STAG2: variants seen among roughly 807,000 people sequenced by gnomAD.
The protein encoded by STAG2 is STAG2 cohesin complex component.
In STAG2, 14 loss-of-function variants were observed where a neutral mutation model predicts 108.1. The observed-to-expected ratio is 0.13, with a 90% CI of 0.09 to 0.20. STAG2 has a LOEUF of 0.20. STAG2 is among the 10% of genes least tolerant of loss of function. The pLI is 1.00. For missense variants in STAG2, 440 were observed against 940.9 expected (o/e 0.47, Z 6.96); for synonymous variants, 307 against 302.7 (o/e 1.01, Z -0.15).
At chrX:124,013,973 A>G (rs2056613425) in intron 1 of STAG2, among the ~76,000 whole-genome samples, 1 of 111,638 alleles carries the variant, frequency 9.0e-6, no homozygotes, top group African/African-American at 3.3e-5. Context: ...TTCTACAGAC[A>G]TCAAAAATGG....
rs1257334140 is a variant in STAG2, at chrX:124,047,917, ATTTG to A, written c.819+416_819+419del. Among the ~76,000 whole-genome samples, 6 of 112,486 alleles carry A rather than the reference ATTTG, an allele frequency of 5.3e-5. No homozygotes were observed. In the South Asian group the frequency reaches 1.4e-3, roughly 27 times the overall value. On this transcript the variant is annotated intron_variant, in intron 9 of 34. Coordinates refer to ENST00000371145, the MANE Select transcript of STAG2 (RefSeq NM_001042750.2). The stretch of plus-strand genomic sequence containing the variant: ...CAGTGTTTTTTATACAGTAGAAGGC[ATTTG>A]TTTAACATTAATGACTGACCACCAA...
At chrX:124,040,784 C>A (rs774518578) in intron 6 of STAG2, among the ~76,000 whole-genome samples, 25 of 107,065 alleles carry the variant, frequency 2.3e-4, no homozygotes, top group Non-Finnish European at 2.1e-4. Flanking sequence ...AAGAGAGATA[C>A]GTGATTCTAG....
intron 1 of STAG2, among the ~76,000 whole-genome samples, chrX:123,981,481 C>T (rs1234936325): frequency 8.9e-6 from 1 of 111,896 alleles, no homozygotes; most frequent in African/African-American, 3.3e-5. Context: ...TATCAGAATT[C>T]ATTCCTTTTT....
rs1013970687 is a variant in STAG2 at position 124,062,806 on chromosome X, T to C, written c.1639-96T>C. On this transcript the variant is annotated intron_variant, in intron 17 of 34. Transcript: ENST00000371145. ...ATTTTTGTGTCCATCTCTTAAAATA[T>C]AGTTTTAGTAATCATTTTGTATGTT... 1.3e-5 allele frequency: 8 copies of C among 614,015 alleles called. No homozygotes were observed. The African/African-American group carries it at 1.6e-4, about 12-fold the overall frequency. 50.6% of individuals were successfully genotyped at this position (614,015 alleles called of 1,213,427 possible).
chrX:124,058,646 T>A (rs1165615959), intron 15 of STAG2, among the ~76,000 whole-genome samples: 1 of 112,301 alleles, frequency 8.9e-6, no homozygotes, highest in Non-Finnish European at 1.9e-5. Context: ...TAGTTAACAC[T>A]GAAATAATCT....
chrX:123,965,018 C>T (rs1158214583), intron 1 of STAG2, among the ~76,000 whole-genome samples: 1 of 96,711 alleles, frequency 1.0e-5, no homozygotes, highest in Non-Finnish European at 2.0e-5. Context: ...TATTTTTTTC[C>T]CCCAGGAGAT....
intron 1 of STAG2, among the ~76,000 whole-genome samples, chrX:124,010,202 A>G (rs1270405699): frequency 9.0e-6 from 1 of 111,569 alleles, no homozygotes; most frequent in African/African-American, 3.3e-5. Context: ...AACGTTAAAT[A>G]TATCCAACTG....
intron 26 of STAG2, among the ~76,000 whole-genome samples, chrX:124,077,430 A>G (rs2058829395): frequency 9.0e-6 from 1 of 111,447 alleles, no homozygotes; most frequent in Admixed American, 9.6e-5. Context: ...TTCATGTGCA[A>G]TGTGTAATGT....
Position 124,014,987 on chromosome X carries a change from T to C in STAG2, c.-162-6380T>C, listed in dbSNP as rs780478747. On this transcript the variant is annotated intron_variant, in intron 1 of 34. Transcript: ENST00000371145. ...TAGTTTGACGTACTTTTCTTTTTTT[T>C]TTTTTTTTTTTTTTTTTGAGACGGA... Among the ~76,000 whole-genome samples, 755 of 78,488 alleles carry C rather than the reference T, an allele frequency of 9.6e-3. 14 individuals carry two copies. Among genetic ancestry groups the C allele is most frequent in the African/African-American group, 0.033 (704 of 21,064 alleles). 68.2% of individuals were successfully genotyped at this position (78,488 alleles called of 115,157 possible). A position where few individuals can be genotyped will look rare whatever the true frequency, so the allele number is the denominator to read the frequency against.
Position 124,036,215 on chromosome X carries a change from A to G in STAG2, c.289-1312A>G, listed in dbSNP as rs150935099. Among the ~76,000 whole-genome samples the G allele has an allele frequency of 7.2e-5, 8 of 111,841 alleles. No individual in the cohort carries two copies. In the East Asian group the frequency reaches 2.2e-3, roughly 31 times the overall value. On this transcript the variant is annotated intron_variant, in intron 5 of 34. Transcript: ENST00000371145. The stretch of plus-strand genomic sequence containing the variant: ...TGTAATCATAGTATCTTTTTTGTAC[A>G]TTAGATTCTACATGTTTTAGTCATT...
At chrX:123,993,654 C>T (rs1305466140) in intron 1 of STAG2, among the ~76,000 whole-genome samples, 1 of 110,944 alleles carries the variant, frequency 9.0e-6, no homozygotes, top group Non-Finnish European at 1.9e-5. Flanking sequence ...ACTGGGTAAT[C>T]CTATATATAA....
chrX:123,977,444 GT>G (rs3216840), intron 1 of STAG2, among the ~76,000 whole-genome samples: 18,129 of 109,513 alleles, frequency 0.17, 1,280 homozygotes, highest in South Asian at 0.36. Flanking sequence ...CTTTTCTGCT[GT>G]TTTTTTTCCC....
chrX:124,069,631 T>A (rs765768614), intron 24 of STAG2, among the ~76,000 whole-genome samples: 1 of 111,795 alleles, frequency 8.9e-6, no homozygotes, highest in East Asian at 2.8e-4. Flanking sequence ...TTTTCTTATT[T>A]CCAGCTCTCT....
chrX:123,999,234 T>A (rs1255632612), intron 1 of STAG2, among the ~76,000 whole-genome samples: 1 of 112,168 alleles, frequency 8.9e-6, no homozygotes, highest in Non-Finnish European at 1.9e-5. Flanking sequence ...ATACATGTGC[T>A]TTTGTGTCTG....
chrX:123,992,383 T>C (rs1330316800), intron 1 of STAG2, among the ~76,000 whole-genome samples: 1 of 111,760 alleles, frequency 8.9e-6, no homozygotes, highest in Non-Finnish European at 1.9e-5. Context: ...GCTACAGATA[T>C]ACTTAATATT....
At position 123,966,458 on chromosome X, in the gene STAG2, TA is replaced by T. The variant is rs79614173; in HGVS notation, c.-163+4615del. On this transcript the variant is annotated intron_variant, in intron 1 of 34. Transcript: ENST00000371145. ...GCCTGGGCGACAGCGAGACTCCGTT[TA>T]AAAAAAAAAAAAGTTCTTAACATTT... Among the ~76,000 whole-genome samples the T allele has an allele frequency of 3.1e-3, 322 of 103,099 alleles. 1 individual carries two copies. The highest frequency in any genetic ancestry group is 8.3e-3 in the East Asian group (28 of 3,388). The allele number at this position is 103,099 out of a possible 115,157, so 89.5% of individuals were successfully genotyped here.
At position 124,029,014 on chromosome X, in the gene STAG2, T is replaced by TA. The variant is rs1491387593; in HGVS notation, c.124-1947_124-1946insA. Among the ~76,000 whole-genome samples, 34 of 100,577 alleles carry TA rather than the reference T, an allele frequency of 3.4e-4. 1 individual carries two copies. Among genetic ancestry groups the TA allele is most frequent in the African/African-American group, 1.2e-3 (33 of 27,178 alleles). 87.3% of individuals were successfully genotyped at this position (100,577 alleles called of 115,157 possible). A position where few individuals can be genotyped will look rare whatever the true frequency, so the allele number is the denominator to read the frequency against. ...ATATATATATATATATATATATATA[T>TA]TTATTTATTTATTTATTTTTGAGAC... On this transcript the variant is annotated intron_variant, in intron 4 of 34. Transcript: ENST00000371145.
chrX:124,014,082 A>G (rs2056615977), intron 1 of STAG2, among the ~76,000 whole-genome samples: 1 of 111,262 alleles, frequency 9.0e-6, no homozygotes, highest in East Asian at 2.8e-4. Flanking sequence ...GGGGAAAGTG[A>G]GTAGACAAGA....
Position 123,983,974 on chromosome X carries a change from C to CTTTTTTTTTTTTTT in STAG2, c.-163+22126_-163+22139dup, listed in dbSNP as rs199881082. Among the ~76,000 whole-genome samples the CTTTTTTTTTTTTTT allele has an allele frequency of 1.6e-3, 99 of 61,454 alleles. 7 individuals carry two copies. Among genetic ancestry groups the CTTTTTTTTTTTTTT allele is most frequent in the East Asian group, 9.1e-3 (17 of 1,872 alleles). The allele number at this position is 61,454 out of a possible 115,157, so 53.4% of individuals were successfully genotyped here. ...AAAAAGAATAATTTTCTTTTCTTTTCTTTTTTTTTTTTTTTTTTTTTGAGA... is the reference window on the plus strand; with the variant it reads ...AAAAAGAATAATTTTCTTTTCTTTTCTTTTTTTTTTTTTTTTTTTTTTTTTTTTTTTTTTTGAGA... On this transcript the variant is annotated intron_variant, in intron 1 of 34. Coordinates refer to ENST00000371145, the MANE Select transcript of STAG2 (RefSeq NM_001042750.2).
Sources: allele counts gnomAD v4.1 joint callset (sites outside exome capture counted in the v4.1 genomes callset), GRCh38; gene constraint gnomAD v4.1.1; transcripts MANE v1.5; gene names NCBI Gene and HGNC (gene_info 2026-07-23, HGNC 2026-07-21).